Variants in NUP93 observed in about 807,000 individuals in gnomAD.
The protein encoded by NUP93 is nucleoporin 93.
In NUP93, 55 loss-of-function variants were observed where a neutral mutation model predicts 107.8. The observed-to-expected ratio is 0.51, with a 90% confidence interval of 0.41 to 0.64. The LOEUF (loss-of-function observed/expected upper bound fraction) is 0.64. Ranked by LOEUF, NUP93 falls within the 30% of genes least tolerant of loss-of-function variation. The probability of loss-of-function intolerance (pLI) is 0.00; values close to 1 mark genes in which losing one functional copy is unlikely to be tolerated. For missense variants in NUP93, 937 were observed against 1,044.7 expected, an observed-to-expected ratio of 0.90 and a Z score of 1.42; for synonymous variants, 390 against 397.5, an observed-to-expected ratio of 0.98 and a Z score of 0.22.
At chr16:56,792,878 T>A (rs1306851903) in intron 3 of NUP93, among the ~76,000 whole-genome samples, 1 of 152,204 alleles carries the variant, frequency 6.6e-6, no homozygotes, top group African/African-American at 2.4e-5. Context: ...TCCCTAAGTA[T>A]CTCAGAAATA....
At chr16:56,781,833 C>A in intron 3 of NUP93, 1 of 984,884 alleles carries the variant, frequency 1.0e-6, no homozygotes, top group Non-Finnish European at 1.2e-6. Flanking sequence ...TAAACTGTTA[C>A]TCCCATCAGT....
At chr16:56,763,190 A>G (rs1406122165) in intron 3 of NUP93, among the ~76,000 whole-genome samples, 1 of 152,218 alleles carries the variant, frequency 6.6e-6, no homozygotes, top group Non-Finnish European at 1.5e-5. Context: ...GGGATAAGAT[A>G]TCCATTGCTA....
chr16:56,834,508 A>G, intron 15 of NUP93, 66 bp downstream of exon 15: 1 of 1,529,292 alleles, frequency 6.5e-7, no homozygotes, highest in African/African-American at 1.4e-5. Context: ...CTCATTCCGT[A>G]TTGCGTGTTT....
At chr16:56,734,762 T>G (rs766298189) in intron 1 of NUP93, among the ~76,000 whole-genome samples, 1 of 152,072 alleles carries the variant, frequency 6.6e-6, no homozygotes, top group Non-Finnish European at 1.5e-5. Flanking sequence ...AGAAAAGAAG[T>G]CAAGGACAAT....
At chr16:56,819,559 C>T (rs1739196859) in intron 6 of NUP93, among the ~76,000 whole-genome samples, 1 of 152,174 alleles carries the variant, frequency 6.6e-6, no homozygotes, top group Admixed American at 6.5e-5. Context: ...ACTTGTGGCC[C>T]TCAACATTAT....
Position 56,849,841 on chromosome 16 carries a change from T to A in NUP93, c.*5232T>A, listed in dbSNP as rs1254868606. 1 of 152,204 alleles carries A rather than the reference T, an allele frequency of 6.6e-6. No homozygotes were observed. The highest frequency in any genetic ancestry group is 1.5e-5 in the Non-Finnish European group (1 of 68,052). 9.4% of individuals were successfully genotyped at this position (152,204 alleles called of 1,614,324 possible). On this transcript the variant is annotated 3_prime_UTR_variant, in exon 22 of 22. Coordinates refer to ENST00000308159, the MANE Select transcript of NUP93 (RefSeq NM_014669.5). Reference sequence around the variant, plus strand: ...TTACCCTGATTTTGTGCATTGTTTGTGCTTTTGTGGGCATCGGAAATGACT... The same window carrying A: ...TTACCCTGATTTTGTGCATTGTTTGAGCTTTTGTGGGCATCGGAAATGACT...
chr16:56,795,535 A>G (rs1457776535), intron 3 of NUP93, among the ~76,000 whole-genome samples: 1 of 152,316 alleles, frequency 6.6e-6, no homozygotes, highest in African/African-American at 2.4e-5. Context: ...GCAAATGACC[A>G]TGCCATTCGC....
chr16:56,732,457 CAG>C (rs1961550482), intron 1 of NUP93, among the ~76,000 whole-genome samples: 1 of 152,166 alleles, frequency 6.6e-6, no homozygotes, highest in African/African-American at 2.4e-5. Flanking sequence ...AGTGTGATGT[CAG>C]GGCTGTTTCT....
At chr16:56,753,770 T>C (rs189434800) in intron 2 of NUP93, among the ~76,000 whole-genome samples, 8 of 152,312 alleles carry the variant, frequency 5.3e-5, no homozygotes, top group Non-Finnish European at 2.9e-5. Context: ...GGCATATTAA[T>C]CATCCACAAG....
At chr16:56,800,296 T>A (rs1303314859) in intron 4 of NUP93, among the ~76,000 whole-genome samples, 1 of 151,360 alleles carries the variant, frequency 6.6e-6, no homozygotes, top group African/African-American at 2.4e-5. Flanking sequence ...TTTAAAAGGG[T>A]TTTTTTTGGT....
intron 9 of NUP93, among the ~76,000 whole-genome samples, chr16:56,830,031 C>T (rs1210719152): frequency 5.9e-5 from 9 of 152,236 alleles, no homozygotes; most frequent in Non-Finnish European, 1.3e-4. Flanking sequence ...AGCTGTCTCT[C>T]AGATCCCCAG....
At chr16:56,755,482 G>A (rs926593549) in intron 2 of NUP93, among the ~76,000 whole-genome samples, 1 of 151,250 alleles carries the variant, frequency 6.6e-6, no homozygotes, top group Admixed American at 6.6e-5. Flanking sequence ...GGGAAATGGG[G>A]AATCACCACC....
At position 56,832,400 on chromosome 16, in the gene NUP93, G is replaced by T. The variant is rs199843191; in HGVS notation, c.1345+12G>T. 215 of 1,600,746 alleles carry T rather than the reference G, an allele frequency of 1.3e-4. No individual in the cohort carries two copies. In the African/African-American group the frequency reaches 2.4e-3, roughly 18 times the overall value. On this transcript the variant is annotated intron_variant, in intron 12 of 21. Coordinates refer to ENST00000308159, the MANE Select transcript of NUP93 (RefSeq NM_014669.5). ...GTTGGAAGACTATGGTAAGATTCTG[G>T]ACATAACCACCTTTCCCTTCTCTTG...
rs375582838 is a variant in NUP93, at chr16:56,847,822, G to A, written c.*3213G>A. The A allele has an allele frequency of 3.9e-5, 6 of 152,248 alleles. No individual in the cohort carries two copies. In the South Asian group the frequency reaches 6.2e-4, roughly 16 times the overall value. 9.4% of individuals were successfully genotyped at this position (152,248 alleles called of 1,614,324 possible). On this transcript the variant is annotated 3_prime_UTR_variant, in exon 22 of 22. Transcript: ENST00000308159. ...TGCAGACCCAGCTCCTGTCCTCCGC[G>A]AACTTACAGTCTAATTAGAGCCTCT... is the stretch of plus-strand genomic sequence containing the variant.
intron 3 of NUP93, among the ~76,000 whole-genome samples, chr16:56,796,259 A>G (rs1043351485): frequency 3.3e-5 from 5 of 152,196 alleles, no homozygotes; most frequent in South Asian, 2.1e-4. Flanking sequence ...TTACAATACC[A>G]TATTTTTATT....
intron 3 of NUP93, among the ~76,000 whole-genome samples, chr16:56,794,094 A>AGG (rs1567391428): frequency 3.5e-5 from 3 of 86,596 alleles, no homozygotes; most frequent in East Asian, 4.4e-4. Context: ...AGGTAGGTAG[A>AGG]TAGATAGATA....
intron 5 of NUP93, among the ~76,000 whole-genome samples, chr16:56,812,489 G>A (rs1469979417): frequency 1.3e-5 from 2 of 151,946 alleles, no homozygotes; most frequent in Non-Finnish European, 2.9e-5. Context: ...GACTACAGGC[G>A]CCCGCAACCA....
Position 56,844,496 on chromosome 16 carries a change from C to T in NUP93, c.2350-3C>T. 6.9e-7 allele frequency: 1 copy of T among 1,446,910 alleles called. No homozygotes were observed. The highest frequency in any genetic ancestry group is 9.2e-7 in the Non-Finnish European group (1 of 1,088,574). 89.6% of individuals were successfully genotyped at this position (1,446,910 alleles called of 1,614,324 possible). ...TCCTTCCCTTCCTTCCCTTCTCTCT[C>T]AGCAACTCCGAAGTCAAGCCCGCAC... On this transcript the variant is annotated splice_region_variant and splice_polypyrimidine_tract_variant and intron_variant, in intron 21 of 21. Transcript: ENST00000308159.
At chr16:56,781,466 T>A (rs1962513088) in intron 3 of NUP93, among the ~76,000 whole-genome samples, 1 of 152,180 alleles carries the variant, frequency 6.6e-6, no homozygotes, top group African/African-American at 2.4e-5. Flanking sequence ...AATGGCAGAA[T>A]CTGTCTGCTG....
Sources: gnomAD v4.1 joint callset for allele counts (sites outside exome capture counted in the v4.1 genomes callset) on GRCh38, gnomAD v4.1.1 for gene constraint, MANE v1.5 for transcripts, NCBI Gene and HGNC (gene_info 2026-07-23, HGNC 2026-07-21) for gene names.